The following MYO9A variants were observed in gnomAD, a reference collection of about 807,000 sequenced individuals.
The protein encoded by MYO9A is myosin IXA.
MYO9A carries 103 observed loss-of-function variants against 293.3 expected under a neutral mutation model. That is an observed-to-expected ratio of 0.35 (90% confidence interval 0.30 to 0.41). MYO9A has a LOEUF of 0.41. MYO9A is among the 10% of genes least tolerant of loss of function. MYO9A has a pLI of 1.00. For missense variants in MYO9A, 2,685 were observed against 3,033.0 expected (o/e 0.89, Z 2.69); for synonymous variants, 1,001 against 1,035.7 (o/e 0.97, Z 0.64).
chr15:71,900,054 G>A (rs767474297), intron 23 of MYO9A, 48 bp from the exon 24 acceptor site: 36 of 1,473,406 alleles, frequency 2.4e-5, no homozygotes, highest in Non-Finnish European at 3.0e-5. Context: ...ATCTTACACT[G>A]CATTTTCACA....
At chr15:71,954,020 G>A (rs915354150) in intron 14 of MYO9A, among the ~76,000 whole-genome samples, 5 of 148,666 alleles carry the variant, frequency 3.4e-5, no homozygotes, top group African/African-American at 7.4e-5. Flanking sequence ...CTCAGCCTCC[G>A]GAGTAGCTGG....
At position 71,824,640 on chromosome 15, in the gene MYO9A, A is replaced by C. The variant is rs1414845479; in HGVS notation, c.*1940T>G. The C allele has an allele frequency of 6.6e-6, 1 of 152,188 alleles. No individual in the cohort carries two copies. Among genetic ancestry groups the C allele is most frequent in the African/African-American group, 2.4e-5 (1 of 41,452 alleles). 9.4% of individuals were successfully genotyped at this position (152,188 alleles called of 1,614,324 possible). A position where few individuals can be genotyped will look rare whatever the true frequency, so the allele number is the denominator to read the frequency against. On this transcript the variant is annotated 3_prime_UTR_variant, in exon 42 of 42. Transcript: ENST00000356056. ...CTCTAGGAGATTCTCTGAAATTCAG[A>C]TTTTTAAAAGCTTAACATTATTTAT...
rs922675173 is a variant in MYO9A, at chr15:72,117,753, G to A, written c.-145C>T. On this transcript the variant is annotated 5_prime_UTR_variant, in exon 1 of 42. Transcript: ENST00000356056. ...AGCTGCCTTCCACCCTCCGCCCCAG[G>A]GTAGGACCGGAGATGGCAGAAGAGG... The A allele has an allele frequency of 2.5e-6, 1 of 397,994 alleles. No homozygotes were observed. Among genetic ancestry groups the A allele is most frequent in the Non-Finnish European group, 4.4e-6 (1 of 225,356 alleles). 24.7% of individuals were successfully genotyped at this position (397,994 alleles called of 1,614,324 possible). A position where few individuals can be genotyped will look rare whatever the true frequency, so the allele number is the denominator to read the frequency against.
At chr15:71,872,776 CTG>C (rs546923699) in intron 32 of MYO9A, among the ~76,000 whole-genome samples, 5 of 152,026 alleles carry the variant, frequency 3.3e-5, no homozygotes, top group Admixed American at 1.3e-4. Context: ...GTGTATATGT[CTG>C]TGTGTGAGTA....
intron 9 of MYO9A, among the ~76,000 whole-genome samples, chr15:71,998,565 C>CTTTTTTTTTTTTT (rs11443228): frequency 1.6e-4 from 22 of 140,008 alleles, no homozygotes; most frequent in Non-Finnish European, 2.2e-4. Flanking sequence ...TTTTTTTTGT[C>CTTTTTTTTTTTTT]TTTTTTTTTC....
intron 25 of MYO9A, among the ~76,000 whole-genome samples, chr15:71,894,921 C>A (rs942850553): frequency 6.6e-6 from 1 of 152,138 alleles, no homozygotes; most frequent in Non-Finnish European, 1.5e-5. Flanking sequence ...TATCTTACTT[C>A]CAAGGATAGT....
chr15:71,910,960 G>A (rs960163793), intron 19 of MYO9A, among the ~76,000 whole-genome samples: 1 of 152,008 alleles, frequency 6.6e-6, no homozygotes, highest in African/African-American at 2.4e-5. Context: ...TATACACATT[G>A]TAGTTCACAA....
At chr15:72,035,001 G>A (rs566061982) in intron 2 of MYO9A, among the ~76,000 whole-genome samples, 1 of 152,292 alleles carries the variant, frequency 6.6e-6, no homozygotes, top group African/African-American at 2.4e-5. Flanking sequence ...AAATAAGCAT[G>A]AGAAAGCATG....
rs1415392332 is a variant in MYO9A, at chr15:71,928,041, TATATATATATATATA to T, written c.2562+5614_2562+5628del. 3.7e-3 allele frequency among the ~76,000 whole-genome samples: 37 copies of T among 10,110 alleles called. 1 individual carries two copies. Among genetic ancestry groups the T allele is most frequent in the Non-Finnish European group, 0.015 (28 of 1,814 alleles). The allele number at this position is 10,110 out of a possible 152,430, so 6.6% of individuals were successfully genotyped here. A position where few individuals can be genotyped will look rare whatever the true frequency, so the allele number is the denominator to read the frequency against. On this transcript the variant is annotated intron_variant, in intron 18 of 41. Transcript: ENST00000356056. ...AATACCTTTCTAATATATATATATA[TATATATATATATATA>T]TTTTTTTTTTTTTTTTTTTTTTTTT...
At chr15:71,940,914 C>A (rs1021977614) in intron 15 of MYO9A, among the ~76,000 whole-genome samples, 1 of 151,666 alleles carries the variant, frequency 6.6e-6, no homozygotes, top group Non-Finnish European at 1.5e-5. Context: ...GAGGAAGACT[C>A]CATCTCAAAG....
At chr15:72,100,887 C>T (rs1162402803) in intron 1 of MYO9A, among the ~76,000 whole-genome samples, 3 of 139,540 alleles carry the variant, frequency 2.1e-5, no homozygotes, top group Non-Finnish European at 4.7e-5. Flanking sequence ...GTCAGCCCCC[C>T]GCCGGCCAGC....
At chr15:72,103,486 CGCAGAA>C (rs1162106432) in intron 1 of MYO9A, among the ~76,000 whole-genome samples, 2 of 133,316 alleles carry the variant, frequency 1.5e-5, no homozygotes, top group Non-Finnish European at 3.2e-5. Flanking sequence ...GCAGAAGCAG[CGCAGAA>C]GCAGAAGCAG....
chr15:71,927,599 G>T (rs2058346844), intron 18 of MYO9A, among the ~76,000 whole-genome samples: 1 of 152,020 alleles, frequency 6.6e-6, no homozygotes, highest in Admixed American at 6.5e-5. Context: ...CCTCCATAAG[G>T]GTGGATTTTG....
At chr15:72,028,196 C>CA (rs957923954) in intron 3 of MYO9A, among the ~76,000 whole-genome samples, 5 of 108,244 alleles carry the variant, frequency 4.6e-5, no homozygotes, top group Admixed American at 2.2e-4. Context: ...GAATCTGTCT[C>CA]AAAAAAATAA....
intron 1 of MYO9A, among the ~76,000 whole-genome samples, chr15:72,095,890 G>C (rs1176086842): frequency 2.6e-5 from 4 of 151,892 alleles, no homozygotes; most frequent in Non-Finnish European, 5.9e-5. Flanking sequence ...GACCAGCCTG[G>C]CCAACATGGT....
chr15:72,012,097 GT>G (rs1333323993), intron 6 of MYO9A, among the ~76,000 whole-genome samples: 1 of 152,064 alleles, frequency 6.6e-6, no homozygotes, highest in African/African-American at 2.4e-5. Flanking sequence ...AATATCTAAA[GT>G]TTAAAATAAA....
chr15:71,946,632 T>C (rs11853268), intron 15 of MYO9A, among the ~76,000 whole-genome samples: 31,932 of 152,238 alleles, frequency 0.21, 3,641 homozygotes, highest in East Asian at 0.41. Flanking sequence ...TATGTGGCTA[T>C]ACAAACACAT....
chr15:72,011,260 C>T (rs1368320797), intron 6 of MYO9A, among the ~76,000 whole-genome samples: 1 of 151,912 alleles, frequency 6.6e-6, no homozygotes. Flanking sequence ...AGTCCACCCA[C>T]CTAGGCCTCC....
At chr15:71,983,470 C>CTTTTTTTTTTTTTTTTTTT (rs1170508506) in intron 11 of MYO9A, among the ~76,000 whole-genome samples, 10 of 72,898 alleles carry the variant, frequency 1.4e-4, no homozygotes, top group East Asian at 9.6e-4. Flanking sequence ...TTTTTTATTT[C>CTTTTTTTTTTTTTTTTTTT]TTTTTTTTTT....
Sources: gnomAD v4.1 joint callset for allele counts (sites outside exome capture counted in the v4.1 genomes callset) on GRCh38, gnomAD v4.1.1 for gene constraint, MANE v1.5 for transcripts, NCBI Gene and HGNC (gene_info 2026-07-23, HGNC 2026-07-21) for gene names.